The following ATXN10 variants were observed in gnomAD, a reference collection of about 807,000 sequenced individuals.
The protein encoded by ATXN10 is ataxin-10.
ATXN10 carries 28 observed loss-of-function variants against 52.9 expected under a neutral mutation model. The observed-to-expected ratio is 0.53, with a 90% CI of 0.39 to 0.73. ATXN10 has a LOEUF of 0.73. Ranked by LOEUF, ATXN10 falls within the 30% of genes least tolerant of loss-of-function variation. The pLI, the probability that ATXN10 is intolerant of heterozygous loss-of-function variation, is 0.00. For missense variants in ATXN10, 565 were observed against 577.0 expected, an observed-to-expected ratio of 0.98 and a Z score of 0.21; for synonymous variants, 226 against 221.5, an observed-to-expected ratio of 1.02 and a Z score of -0.18.
At chr22:45,700,914 A>G (rs994305646) in intron 4 of ATXN10, among the ~76,000 whole-genome samples, 4 of 152,170 alleles carry the variant, frequency 2.6e-5, no homozygotes, top group Admixed American at 2.6e-4. Context: ...TATCAGTGTA[A>G]GATGTGGGTA....
At position 45,789,791 on chromosome 22, in the gene ATXN10, A is replaced by G. The variant is rs557733911; in HGVS notation, c.1174-17168A>G. 9.9e-4 allele frequency among the ~76,000 whole-genome samples: 151 copies of G among 152,164 alleles called. No homozygotes were observed. The highest frequency in any genetic ancestry group is 1.8e-3 in the Non-Finnish European group (125 of 68,032). On this transcript the variant is annotated intron_variant, in intron 9 of 11. Coordinates refer to ENST00000252934, the MANE Select transcript of ATXN10 (RefSeq NM_013236.4). The surrounding 1 kb of genome is among the most constrained non-coding windows in gnomAD (Gnocchi z 4.0). ...TCAGGATTGTCCTGCTCCCACCTTC[A>G]TGAGGCTGCTTTGCCAACTACACTC... is the stretch of plus-strand genomic sequence containing the variant.
chr22:45,793,833 A>G (rs1213501927), intron 9 of ATXN10: 13 of 1,303,344 alleles, frequency 1.0e-5, no homozygotes, highest in African/African-American at 4.6e-5. Context: ...TGCCCGGGAA[A>G]TAATTCAAGG....
chr22:45,834,344 G>A (rs958758391), intron 10 of ATXN10, among the ~76,000 whole-genome samples: 10 of 152,116 alleles, frequency 6.6e-5, no homozygotes, highest in African/African-American at 1.2e-4. Flanking sequence ...CACTTCCCCG[G>A]TTTCTACTGG....
intron 1 of ATXN10, among the ~76,000 whole-genome samples, chr22:45,685,021 A>C (rs537236933): frequency 6.6e-6 from 1 of 152,074 alleles, no homozygotes; most frequent in Admixed American, 6.5e-5. Flanking sequence ...TTTTAAGTAA[A>C]TCTAAGGTAT....
intron 8 of ATXN10, among the ~76,000 whole-genome samples, chr22:45,739,743 T>G (rs1639930261): frequency 6.6e-6 from 1 of 152,114 alleles, no homozygotes; most frequent in African/African-American, 2.4e-5. Context: ...CTGTATAGGT[T>G]TGTTGAGAGG....
Position 45,671,863 on chromosome 22 carries a change from CTG to C in ATXN10, c.-200_-199del. On this transcript the variant is annotated 5_prime_UTR_variant, in exon 1 of 12. Coordinates refer to ENST00000252934, the MANE Select transcript of ATXN10 (RefSeq NM_013236.4). ...TCTCCTCCTCCCGCCTGAGGCGAGT[CTG>C]GGCTCAGCCTAGAGCTCTCCGGCGG... 2.0e-6 allele frequency: 1 copy of C among 493,104 alleles called. No homozygotes were observed. The highest frequency in any genetic ancestry group is 3.4e-6 in the Non-Finnish European group (1 of 290,810). The allele number at this position is 493,104 out of a possible 1,614,324, so 30.5% of individuals were successfully genotyped here. A position where few individuals can be genotyped will look rare whatever the true frequency, so the allele number is the denominator to read the frequency against.
chr22:45,762,860 C>G lies in ATXN10; in HGVS notation c.1173+22322C>G, dbSNP rs542471983. On this transcript the variant is annotated intron_variant, in intron 9 of 11. Transcript: ENST00000252934. The surrounding 1 kb of genome is among the most constrained non-coding windows in gnomAD (Gnocchi z 4.3). ...AGTAATTGCGTGGCTTCCCTTGGGT[C>G]TGTCTCCATCCCTGTTGTAGTCCCT... is the stretch of plus-strand genomic sequence containing the variant. Among the ~76,000 whole-genome samples, 6 of 152,278 alleles carry G rather than the reference C, an allele frequency of 3.9e-5. No homozygotes were observed. In the South Asian group the frequency reaches 1.2e-3, roughly 32 times the overall value.
Position 45,790,371 on chromosome 22 carries a change from A to G in ATXN10, c.1174-16588A>G, listed in dbSNP as rs1927465081. On this transcript the variant is annotated intron_variant, in intron 9 of 11. Coordinates refer to ENST00000252934, the MANE Select transcript of ATXN10 (RefSeq NM_013236.4). This position sits in a 1 kb window ranked among gnomAD's most constrained non-coding sequence, Gnocchi z 4.7. ...TAACAGGACACGAGATTATCAAAAC[A>G]TTGCCCCCCCGCCGCCCCACACATA... Among the ~76,000 whole-genome samples, 1 of 152,110 alleles carries G rather than the reference A, an allele frequency of 6.6e-6. No homozygotes were observed. Among genetic ancestry groups the G allele is most frequent in the South Asian group, 2.1e-4 (1 of 4,820 alleles).
chr22:45,821,139 A>G (rs879263861), intron 10 of ATXN10, among the ~76,000 whole-genome samples: 5 of 152,134 alleles, frequency 3.3e-5, no homozygotes, highest in Non-Finnish European at 5.9e-5. Flanking sequence ...AAGTCAAAAT[A>G]TTTTCCCAGT....
rs1023672180 is a variant in ATXN10, at chr22:45,750,147, G to A, written c.1173+9609G>A. Reference sequence around the variant, plus strand: ...GACAGGGTCTTGCTTTTGTCACCCAGGCTGGAGTGCAGTGGTGTGATCACA... The same window carrying A: ...GACAGGGTCTTGCTTTTGTCACCCAAGCTGGAGTGCAGTGGTGTGATCACA... On this transcript the variant is annotated intron_variant, in intron 9 of 11. Transcript: ENST00000252934. The surrounding 1 kb of genome is among the most constrained non-coding windows in gnomAD (Gnocchi z 4.2). 2.6e-5 allele frequency among the ~76,000 whole-genome samples: 4 copies of A among 152,052 alleles called. No individual in the cohort carries two copies. Among genetic ancestry groups the A allele is most frequent in the African/African-American group, 9.7e-5 (4 of 41,386 alleles).
intron 9 of ATXN10, among the ~76,000 whole-genome samples, chr22:45,767,118 G>C (rs5765613): frequency 0.57 from 86,875 of 151,974 alleles, 26,127 homozygotes; most frequent in East Asian, 0.75. Flanking sequence ...CTTGCTTTTA[G>C]GACTCTATAC....
At chr22:45,714,316 T>C (rs1488433670) in intron 5 of ATXN10, among the ~76,000 whole-genome samples, 1 of 152,204 alleles carries the variant, frequency 6.6e-6, no homozygotes, top group Non-Finnish European at 1.5e-5. Context: ...AGATTAGGGA[T>C]ATCACCCATC....
intron 1 of ATXN10, among the ~76,000 whole-genome samples, chr22:45,687,578 A>G (rs577956690): frequency 5.3e-5 from 8 of 152,250 alleles, no homozygotes; most frequent in African/African-American, 1.2e-4. Context: ...TTACTTGACT[A>G]TAGCATTAAA....
chr22:45,829,238 C>T (rs1928912348), intron 10 of ATXN10, among the ~76,000 whole-genome samples: 1 of 152,032 alleles, frequency 6.6e-6, no homozygotes, highest in Non-Finnish European at 1.5e-5. Context: ...ATAATAAAAG[C>T]CAGGAAAACC....
Position 45,828,767 on chromosome 22 carries a change from A to G in ATXN10, c.1238-14224A>G, listed in dbSNP as rs558096032. On this transcript the variant is annotated intron_variant, in intron 10 of 11. Transcript: ENST00000252934. The surrounding 1 kb of genome is among the most constrained non-coding windows in gnomAD (Gnocchi z 4.5). ...GTTATAGTAAGACAATTAAATCAGC[A>G]ATGAAAAATCTCACAAAGAAAAGCC... Among the ~76,000 whole-genome samples the G allele has an allele frequency of 1.3e-5, 2 of 152,316 alleles. No homozygotes were observed. Among genetic ancestry groups the G allele is most frequent in the East Asian group, 3.9e-4 (2 of 5,190 alleles).
chr22:45,674,104 A>G (rs1158729575), intron 1 of ATXN10: 2 of 152,206 alleles, frequency 1.3e-5, no homozygotes, highest in Admixed American at 1.3e-4. Context: ...GGAATAAATG[A>G]GAGGACGAAG....
At chr22:45,731,263 G>A (rs763664574) in intron 7 of ATXN10, among the ~76,000 whole-genome samples, 2 of 152,180 alleles carry the variant, frequency 1.3e-5, no homozygotes, top group Admixed American at 6.5e-5. Context: ...TTCCATTTCC[G>A]TGGGATTCTG....
chr22:45,817,165 C>G (rs1458774970), intron 10 of ATXN10, among the ~76,000 whole-genome samples: 5 of 152,186 alleles, frequency 3.3e-5, no homozygotes, highest in Non-Finnish European at 5.9e-5. Context: ...CTTTCTTCCT[C>G]TGGAGGGGCG....
chr22:45,769,004 C>T lies in ATXN10; in HGVS notation c.1173+28466C>T, dbSNP rs1926683288. Among the ~76,000 whole-genome samples, 1 of 151,924 alleles carries T rather than the reference C, an allele frequency of 6.6e-6. No homozygotes were observed. Among genetic ancestry groups the T allele is most frequent in the Non-Finnish European group, 1.5e-5 (1 of 67,994 alleles). On this transcript the variant is annotated intron_variant, in intron 9 of 11. Transcript: ENST00000252934. This position sits in a 1 kb window ranked among gnomAD's most constrained non-coding sequence, Gnocchi z 4.2. ...GTTGCTGAGATTTATTTTAAATACT[C>T]TTGGTGGGAAAAAGTGTGGGAAGAA...
Sources: allele counts gnomAD v4.1 joint callset (sites outside exome capture counted in the v4.1 genomes callset), GRCh38; gene constraint gnomAD v4.1.1; non-coding constraint Gnocchi (gnomAD v3.1); transcripts MANE v1.5; gene names NCBI Gene and HGNC (gene_info 2026-07-23, HGNC 2026-07-21).